Variants in SIM1 observed in about 807,000 individuals in gnomAD.
SIM1 encodes single-minded homolog 1.
A neutral mutation model predicts 78.2 loss-of-function variants in SIM1; 18 were observed. That is an observed-to-expected ratio of 0.23 (90% CI 0.16 to 0.34). The LOEUF (loss-of-function observed/expected upper bound fraction) is 0.34, where lower values mean the gene tolerates loss of function less well. SIM1 is among the 10% of genes least tolerant of loss of function. The pLI is 1.00. For missense variants in SIM1, 939 were observed against 975.1 expected (o/e 0.96, Z 0.49); for synonymous variants, 417 against 385.2 (o/e 1.08, Z -0.97).
At chr6:100,453,706 G>T in intron 3 of SIM1, 56 bp downstream of exon 3, 1 of 1,285,362 alleles carries the variant, frequency 7.8e-7, no homozygotes. Context: ...CTCAACTCAG[G>T]GCCAGGCACT....
intron 2 of SIM1, among the ~76,000 whole-genome samples, chr6:100,454,060 A>G (rs1772584590): frequency 6.6e-6 from 1 of 152,202 alleles, no homozygotes; most frequent in Non-Finnish European, 1.5e-5. Flanking sequence ...TCTAAACTAA[A>G]ACTGGTTTCT....
chr6:100,430,181 G>A (rs1771865580), intron 9 of SIM1, among the ~76,000 whole-genome samples: 2 of 152,140 alleles, frequency 1.3e-5, no homozygotes, highest in Non-Finnish European at 2.9e-5. Context: ...CCCTAATGTG[G>A]GGGCCACATT....
At chr6:100,442,769 A>T (rs1428241970) in intron 9 of SIM1, among the ~76,000 whole-genome samples, 2 of 152,084 alleles carry the variant, frequency 1.3e-5, no homozygotes, top group African/African-American at 4.8e-5. Flanking sequence ...TAGTAATAAT[A>T]ATAATATATC....
intron 10 of SIM1, among the ~76,000 whole-genome samples, chr6:100,418,554 T>A (rs1029737797): frequency 6.6e-6 from 1 of 151,792 alleles, no homozygotes; most frequent in African/African-American, 2.4e-5. Context: ...CCTGTTAGAG[T>A]GAACTAATAG....
intron 9 of SIM1, among the ~76,000 whole-genome samples, chr6:100,431,853 G>T (rs1172253820): frequency 1.3e-5 from 2 of 152,162 alleles, no homozygotes; most frequent in African/African-American, 4.8e-5. Flanking sequence ...GTCTTAAGCC[G>T]ATGGCCCAGA....
chr6:100,450,200 C>T, intron 4 of SIM1, 67 bp downstream of exon 4: 1 of 1,374,676 alleles, frequency 7.3e-7, no homozygotes, highest in South Asian at 1.2e-5. Flanking sequence ...CCCAACCCAG[C>T]CCCCTACCCC....
intron 9 of SIM1, among the ~76,000 whole-genome samples, chr6:100,443,034 G>A (rs1424194875): frequency 6.6e-6 from 1 of 151,910 alleles, no homozygotes; most frequent in African/African-American, 2.4e-5. Flanking sequence ...AAAAAGTATA[G>A]GATCTGCAGT....
chr6:100,421,475 G>A lies in SIM1; in HGVS notation c.999-517C>T, dbSNP rs529595471. Among the ~76,000 whole-genome samples, 27 of 152,228 alleles carry A rather than the reference G, an allele frequency of 1.8e-4. No homozygotes were observed. In the South Asian group the frequency reaches 3.7e-3, roughly 21 times the overall value. On this transcript the variant is annotated intron_variant, in intron 9 of 11. Transcript: ENST00000369208. ...GTTCCTTTAGGTACATTTTACCACC[G>A]TTCTTTCCATTCCTTCGTTTATTCA...
rs1770520688 is a variant in SIM1, at chr6:100,386,693, T to C, written c.*3668A>G. The C allele has an allele frequency of 6.6e-6, 1 of 152,076 alleles. No individual in the cohort carries two copies. The highest frequency in any genetic ancestry group is 6.5e-5 in the Admixed American group (1 of 15,274). The allele number at this position is 152,076 out of a possible 1,614,324, so 9.4% of individuals were successfully genotyped here. ...ATGTGACAACACGGTATAGAGTGAATTAAGAATAGTGCCCGATGGAAACAA... is the reference window on the plus strand; with the variant it reads ...ATGTGACAACACGGTATAGAGTGAACTAAGAATAGTGCCCGATGGAAACAA... On this transcript the variant is annotated 3_prime_UTR_variant, in exon 12 of 12. Coordinates refer to ENST00000369208, the MANE Select transcript of SIM1 (RefSeq NM_005068.3).
intron 9 of SIM1, among the ~76,000 whole-genome samples, chr6:100,436,414 A>G (rs1416178542): frequency 2.0e-5 from 3 of 152,226 alleles, no homozygotes; most frequent in Non-Finnish European, 4.4e-5. Flanking sequence ...AGATGCATCA[A>G]GATAATTGCT....
intron 2 of SIM1, among the ~76,000 whole-genome samples, chr6:100,460,664 G>T (rs1376082633): frequency 6.6e-6 from 1 of 152,144 alleles, no homozygotes; most frequent in Non-Finnish European, 1.5e-5. Context: ...TCCATATAAA[G>T]TGATCAGTTT....
At chr6:100,405,789 C>G (rs1020043526) in intron 10 of SIM1, among the ~76,000 whole-genome samples, 3 of 152,056 alleles carry the variant, frequency 2.0e-5, no homozygotes, top group African/African-American at 4.8e-5. Context: ...ATTTTTCTCA[C>G]AGAAAAGTAA....
rs764839085 is a variant in SIM1 at position 100,390,692 on chromosome 6, C to G, written c.1970G>C (p.Arg657Pro). 2 of 1,613,934 alleles carry G rather than the reference C, an allele frequency of 1.2e-6. No homozygotes were observed. The highest frequency in any genetic ancestry group is 4.5e-5 in the East Asian group (2 of 44,878). Residue 657 changes from arginine (R) to proline (P), a missense_variant, in exon 12 of 12, where the codon CGG becomes CCG. Around this residue, in one of 5 missense-constraint regions of SIM1, gnomAD observed 556 missense variants for 521.9 expected, o/e 1.07. Transcript: ENST00000369208. Reference sequence around the variant, plus strand: ...GCGATCCGAATTGGGACTACTTATCCGAGATAGTGCGGTGGGACTGTTGTC... The same window carrying G: ...GCGATCCGAATTGGGACTACTTATCGGAGATAGTGCGGTGGGACTGTTGTC... The part of the protein sequence containing the change: ...DYDNSPTALS[R>P]ISSPNSDRIS...
At chr6:100,446,543 G>A (rs1016162915) in intron 9 of SIM1, among the ~76,000 whole-genome samples, 1 of 152,216 alleles carries the variant, frequency 6.6e-6, no homozygotes, top group Admixed American at 6.5e-5. Flanking sequence ...GCCACGTGAT[G>A]AGCCTGCAGG....
rs1340335134 is a variant in SIM1, at chr6:100,448,562, G to A, written c.660C>T (p.Ser220=). Residue 220 remains serine (S), a synonymous_variant, in exon 7 of 12, where the codon AGC becomes AGT. Coordinates refer to ENST00000369208, the MANE Select transcript of SIM1 (RefSeq NM_005068.3). ...TGTGTAGCTTGATCTCCGTGACGGC[G>A]CTGGGAGGCAGCGAGTGGCCCACGG... ...LVAVGHSLPP[S]AVTEIKLHSN... 1 of 1,614,044 alleles carries A rather than the reference G, an allele frequency of 6.2e-7. No individual in the cohort carries two copies. Among genetic ancestry groups the A allele is most frequent in the Non-Finnish European group, 8.5e-7 (1 of 1,180,048 alleles).
Position 100,386,776 on chromosome 6 carries a change from A to G in SIM1, c.*3585T>C, listed in dbSNP as rs892012612. The G allele has an allele frequency of 6.6e-6, 1 of 152,056 alleles. No individual in the cohort carries two copies. The highest frequency in any genetic ancestry group is 1.5e-5 in the Non-Finnish European group (1 of 67,942). The allele number at this position is 152,056 out of a possible 1,614,324, so 9.4% of individuals were successfully genotyped here. Reference sequence around the variant, plus strand: ...AAGTGGTTTTTCTGTGTAAATACTGAAGGCAATCATTTATTGCATCCCGTC... The same window carrying G: ...AAGTGGTTTTTCTGTGTAAATACTGGAGGCAATCATTTATTGCATCCCGTC... On this transcript the variant is annotated 3_prime_UTR_variant, in exon 12 of 12. Coordinates refer to ENST00000369208, the MANE Select transcript of SIM1 (RefSeq NM_005068.3).
intron 10 of SIM1, among the ~76,000 whole-genome samples, chr6:100,398,933 T>TTGTG (rs370296648): frequency 0.014 from 2,014 of 147,046 alleles, 42 homozygotes; most frequent in African/African-American, 0.041. Context: ...ACACTTGTTA[T>TTGTG]TGTGTGTGTG....
intron 10 of SIM1, among the ~76,000 whole-genome samples, chr6:100,413,204 C>T (rs914532496): frequency 2.3e-4 from 35 of 152,142 alleles, no homozygotes; most frequent in Non-Finnish European, 2.9e-5. Flanking sequence ...GGGGTGAGGA[C>T]GGTATCCTCA....
chr6:100,440,658 C>T (rs758295262), intron 9 of SIM1, among the ~76,000 whole-genome samples: 2 of 152,162 alleles, frequency 1.3e-5, no homozygotes, highest in African/African-American at 4.8e-5. Flanking sequence ...TTCCAAATTT[C>T]GTCTAAACTC....
Sources: gnomAD v4.1 joint callset for allele counts (sites outside exome capture counted in the v4.1 genomes callset) on GRCh38, gnomAD v4.1.1 for gene constraint, gnomAD v4.1.1 regional missense constraint, MANE v1.5 for transcripts, NCBI Gene and HGNC (gene_info 2026-07-23, HGNC 2026-07-21) for gene names.